Variants in RBFOX1 observed in about 807,000 individuals in gnomAD.
The protein encoded by RBFOX1 is RNA binding fox-1 homolog 1.
In RBFOX1, 8 loss-of-function variants were observed where a neutral mutation model predicts 57.7. The observed-to-expected ratio is 0.14, with a 90% CI of 0.08 to 0.25. The LOEUF (loss-of-function observed/expected upper bound fraction) is 0.25, where lower values mean the gene tolerates loss of function less well. Among genes scored for constraint, RBFOX1 ranks in the 10% least tolerant of loss-of-function variants. RBFOX1 has a pLI of 1.00. For synonymous variants in RBFOX1, 326 were observed against 222.4 expected (o/e 1.47, Z -4.15); for missense variants, 611 against 548.5 (o/e 1.11, Z -1.14).
chr16:6,718,851 C>CT (rs544112231), intron 3 of RBFOX1, among the ~76,000 whole-genome samples: 28 of 151,418 alleles, frequency 1.8e-4, no homozygotes, highest in South Asian at 4.2e-4. Context: ...TTTTTCTTAT[C>CT]TTTTTTTTTG....
intron 4 of RBFOX1, among the ~76,000 whole-genome samples, chr16:7,127,022 A>T (rs1228937811): frequency 6.6e-6 from 1 of 152,046 alleles, no homozygotes; most frequent in Non-Finnish European, 1.5e-5. Context: ...AAAAAAAAAA[A>T]AAAAAAATTA....
intron 3 of RBFOX1, among the ~76,000 whole-genome samples, chr16:6,920,532 G>A (rs1171651667): frequency 6.6e-6 from 1 of 152,218 alleles, no homozygotes; most frequent in African/African-American, 2.4e-5. Context: ...CATAACAAAT[G>A]ACCAGCTAGT....
intron 4 of RBFOX1, among the ~76,000 whole-genome samples, chr16:5,959,378 C>A (rs1341936107): frequency 6.6e-6 from 1 of 152,188 alleles, no homozygotes; most frequent in Non-Finnish European, 1.5e-5. Flanking sequence ...CAAAGGTCAA[C>A]TGTTATTAAA....
chr16:7,565,729 C>G (rs1160389148), intron 5 of RBFOX1, among the ~76,000 whole-genome samples: 1 of 152,144 alleles, frequency 6.6e-6, no homozygotes, highest in African/African-American at 2.4e-5. Flanking sequence ...TGAGAAATAA[C>G]TTGATTGGTG....
rs181130777 is a variant in RBFOX1, at chr16:7,041,630, C to G, written c.-15-10427C>G. ...GCTGCCCCCTCGAAACAGTCAGTACCAATTTACCACCCTTCTTAAAAAGAT... is the reference window on the plus strand; with the variant it reads ...GCTGCCCCCTCGAAACAGTCAGTACGAATTTACCACCCTTCTTAAAAAGAT... On this transcript the variant is annotated intron_variant, in intron 3 of 15. Transcript: ENST00000550418. 2.1e-3 allele frequency among the ~76,000 whole-genome samples: 314 copies of G among 152,188 alleles called. 5 individuals are homozygous for G. The highest frequency in any genetic ancestry group is 3.5e-3 in the Non-Finnish European group (238 of 67,996).
intron 2 of RBFOX1, among the ~76,000 whole-genome samples, chr16:6,652,613 A>G (rs2098605888): frequency 6.6e-6 from 1 of 152,160 alleles, no homozygotes; most frequent in Non-Finnish European, 1.5e-5. Context: ...CCACCTGTAG[A>G]ACTCTAAGAA....
chr16:5,454,942 C>CTTTCTTTCTTT (rs2068567931), intron 1 of RBFOX1, among the ~76,000 whole-genome samples: 1 of 45,636 alleles, frequency 2.2e-5, no homozygotes, highest in Non-Finnish European at 4.3e-5. Context: ...TTCCTTCCTT[C>CTTTCTTTCTTT]CTTCCTTCCT....
chr16:7,507,584 G>C (rs1316560294), intron 4 of RBFOX1, among the ~76,000 whole-genome samples: 2 of 31,032 alleles, frequency 6.4e-5, no homozygotes, highest in Admixed American at 2.7e-4. Flanking sequence ...TTTTTTTTGA[G>C]ACGGAGTCTT....
At chr16:7,139,188 G>GTGTGTGTGTGTGTGTGTA (rs1229549027) in intron 4 of RBFOX1, among the ~76,000 whole-genome samples, 1 of 130,668 alleles carries the variant, frequency 7.7e-6, no homozygotes, top group Non-Finnish European at 1.7e-5. Flanking sequence ...GTGTGTGTGT[G>GTGTGTGTGTGTGTGTGTA]TGTGTGTGTA....
At chr16:7,503,044 C>T (rs1415969077) in intron 4 of RBFOX1, among the ~76,000 whole-genome samples, 1 of 151,976 alleles carries the variant, frequency 6.6e-6, no homozygotes, top group African/African-American at 2.4e-5. Flanking sequence ...ATAAATTATT[C>T]TAAATTTATC....
At chr16:7,408,394 C>A (rs1290816524) in intron 4 of RBFOX1, among the ~76,000 whole-genome samples, 1 of 152,146 alleles carries the variant, frequency 6.6e-6, no homozygotes, top group Non-Finnish European at 1.5e-5. Context: ...GCACAGTAAA[C>A]CATTCAAAAC....
chr16:6,977,200 G>T (rs1243317399), intron 3 of RBFOX1, among the ~76,000 whole-genome samples: 1 of 141,114 alleles, frequency 7.1e-6, no homozygotes, highest in Non-Finnish European at 1.5e-5. Context: ...ACATATATAT[G>T]TTTTATCATA....
chr16:5,583,206 A>C (rs1170580378), intron 2 of RBFOX1, among the ~76,000 whole-genome samples: 1 of 152,216 alleles, frequency 6.6e-6, no homozygotes, highest in Admixed American at 6.5e-5. Flanking sequence ...GTGAACATCC[A>C]TTCATGTTAT....
intron 2 of RBFOX1, among the ~76,000 whole-genome samples, chr16:6,442,794 A>C (rs2153030174): frequency 6.6e-6 from 1 of 152,312 alleles, no homozygotes; most frequent in South Asian, 2.1e-4. Context: ...ATTGGTCAAA[A>C]CATTTTGGGG....
intron 3 of RBFOX1, among the ~76,000 whole-genome samples, chr16:5,730,172 T>C (rs1040881405): frequency 2.0e-5 from 3 of 152,218 alleles, no homozygotes; most frequent in Non-Finnish European, 4.4e-5. Context: ...ATAATGTTCA[T>C]TGAATTAGCC....
In RBFOX1 at chr16:6,643,014, C is replaced by G. The variant is rs8054546; in HGVS notation, c.-63-11589C>G. ...TTCATATTTAGGTTGAAACCATAGACTTTTCGGAATATTCTTTGCCCTGAA... is the reference window on the plus strand; with the variant it reads ...TTCATATTTAGGTTGAAACCATAGAGTTTTCGGAATATTCTTTGCCCTGAA... On this transcript the variant is annotated intron_variant, in intron 2 of 15. Coordinates refer to ENST00000550418, the MANE Select transcript of RBFOX1 (RefSeq NM_018723.4). Among the ~76,000 whole-genome samples, 671 of 152,260 alleles carry G rather than the reference C, an allele frequency of 4.4e-3. 2 individuals are homozygous for G. Among genetic ancestry groups the G allele is most frequent in the Non-Finnish European group, 6.9e-3 (467 of 68,014 alleles).
intron 3 of RBFOX1, among the ~76,000 whole-genome samples, chr16:6,813,928 C>T (rs2089420847): frequency 1.3e-5 from 2 of 152,132 alleles, no homozygotes; most frequent in African/African-American, 2.4e-5. Flanking sequence ...TTTCCTTCCT[C>T]AAGTTACCCA....
chr16:6,927,532 CTTTG>C (rs1413428201), intron 3 of RBFOX1, among the ~76,000 whole-genome samples: 2 of 145,558 alleles, frequency 1.4e-5, no homozygotes, highest in Non-Finnish European at 3.0e-5. Context: ...GCAGATATTT[CTTTG>C]TTTTGTTTTG....
At chr16:7,485,645 G>T (rs972500627) in intron 4 of RBFOX1, among the ~76,000 whole-genome samples, 1 of 152,126 alleles carries the variant, frequency 6.6e-6, no homozygotes, top group African/African-American at 2.4e-5. Flanking sequence ...ATAGAAGATT[G>T]TTCTATCTAA....
Sources: allele counts gnomAD v4.1 joint callset (sites outside exome capture counted in the v4.1 genomes callset), GRCh38; gene constraint gnomAD v4.1.1; transcripts MANE v1.5; gene names NCBI Gene and HGNC (gene_info 2026-07-23, HGNC 2026-07-21).